The following SYNJ2 variants were observed in gnomAD, a reference collection of about 807,000 sequenced individuals.
SYNJ2 encodes the protein polyphosphatidylinositol phosphatase SYNJ2.
A neutral mutation model predicts 141.3 loss-of-function variants in SYNJ2; 116 were observed. The observed-to-expected ratio is 0.82, with a 90% CI of 0.71 to 0.96. The LOEUF (loss-of-function observed/expected upper bound fraction) is 0.96. Among genes scored for constraint, SYNJ2 ranks in the 40% least tolerant of loss-of-function variants. The probability of loss-of-function intolerance (pLI) is 0.00; values close to 1 mark genes in which losing one functional copy is unlikely to be tolerated. For missense variants in SYNJ2, 1,873 were observed against 1,934.8 expected, an observed-to-expected ratio of 0.97 and a Z score of 0.60; for synonymous variants, 745 against 777.7, an observed-to-expected ratio of 0.96 and a Z score of 0.70.
At chr6:158,011,734 C>A (rs548786025) in intron 1 of SYNJ2, among the ~76,000 whole-genome samples, 1 of 152,164 alleles carries the variant, frequency 6.6e-6, no homozygotes, top group Non-Finnish European at 1.5e-5. Flanking sequence ...TTGGCCACAA[C>A]ACTTTGTTTA....
At chr6:158,028,062 A>C (rs1284293726) in intron 2 of SYNJ2, 1 of 152,638 alleles carries the variant, frequency 6.6e-6, no homozygotes, top group African/African-American at 2.4e-5. Flanking sequence ...GCAAGAGCCC[A>C]GGGTGCGAGG....
intron 25 of SYNJ2, among the ~76,000 whole-genome samples, 153 bp from the exon 26 acceptor site, chr6:158,092,773 A>G (rs1216996493): frequency 6.6e-6 from 1 of 152,190 alleles, no homozygotes; most frequent in African/African-American, 2.4e-5. Context: ...TTAAAAAAGA[A>G]AAAAGAAAAA....
At chr6:158,087,695 C>CACA (rs1444164607) in intron 23 of SYNJ2, among the ~76,000 whole-genome samples, 1 of 152,074 alleles carries the variant, frequency 6.6e-6, no homozygotes, top group Admixed American at 6.6e-5. Flanking sequence ...AATGGCAAGC[C>CACA]ACAAGCCCAG....
At chr6:158,013,153 G>A (rs1270916009) in intron 1 of SYNJ2, among the ~76,000 whole-genome samples, 4 of 152,128 alleles carry the variant, frequency 2.6e-5, no homozygotes, top group African/African-American at 7.2e-5. Context: ...AGGCCGAGAC[G>A]GGCAGATCAC....
chr6:157,985,870 G>T (rs1484478935), intron 1 of SYNJ2, among the ~76,000 whole-genome samples: 2 of 152,218 alleles, frequency 1.3e-5, no homozygotes, highest in East Asian at 3.9e-4. Flanking sequence ...TTAATTAATG[G>T]GTGTCCCTAA....
intron 1 of SYNJ2, among the ~76,000 whole-genome samples, chr6:158,006,139 C>A (rs868330687): frequency 5.3e-5 from 8 of 152,164 alleles, no homozygotes; most frequent in Non-Finnish European, 7.3e-5. Flanking sequence ...AATCTTTTGA[C>A]CCACTTTCCT....
chr6:158,015,470 AAAAGTCCATC>A (rs1269047305), intron 1 of SYNJ2, among the ~76,000 whole-genome samples: 1 of 152,158 alleles, frequency 6.6e-6, no homozygotes, highest in African/African-American at 2.4e-5. Flanking sequence ...GGGTGGGGAG[AAAAGTCCATC>A]TTTATTTGTA....
At chr6:158,036,871 T>TGG (rs959596425) in intron 4 of SYNJ2, among the ~76,000 whole-genome samples, 1 of 152,212 alleles carries the variant, frequency 6.6e-6, no homozygotes, top group Admixed American at 6.5e-5. Flanking sequence ...GATGTCTGCA[T>TGG]GGGGAGAGTC....
chr6:158,074,596 C>T lies in SYNJ2; in HGVS notation c.2150C>T (p.Ser717Phe). 2 of 1,610,398 alleles carry T rather than the reference C, an allele frequency of 1.2e-6. No individual in the cohort carries two copies. The highest frequency in any genetic ancestry group is 1.7e-6 in the Non-Finnish European group (2 of 1,178,922). Residue 717 changes from serine (S) to phenylalanine (F), a missense_variant, in exon 16 of 27, where the codon TCT becomes TTT. Transcript: ENST00000355585. Reference sequence around the variant, plus strand: ...TCAACTTAGGGGAGAAATGTTTTTTCTCATGATTATGTATTTTGGTGTGGC... The same window carrying T: ...TCAACTTAGGGGAGAAATGTTTTTTTTCATGATTATGTATTTTGGTGTGGC... ...LCFPMGRNVF[S>F]HDYVFWCGDF...
chr6:158,062,264 C>T, intron 8 of SYNJ2, 100 bp downstream of exon 8: 1 of 1,541,460 alleles, frequency 6.5e-7, no homozygotes, highest in Non-Finnish European at 8.7e-7. Flanking sequence ...GGTGAGGCGG[C>T]AGAGGGGCCG....
intron 4 of SYNJ2, among the ~76,000 whole-genome samples, chr6:158,034,813 C>T (rs1019193680): frequency 6.6e-6 from 1 of 152,074 alleles, no homozygotes; most frequent in Non-Finnish European, 1.5e-5. Flanking sequence ...TATAGTTTTG[C>T]GTTTTACATT....
rs1448411595 is a variant in SYNJ2, at chr6:158,084,202, C to T, written c.3208+28C>T. The T allele has an allele frequency of 1.2e-6, 2 of 1,605,976 alleles. No individual in the cohort carries two copies. Among genetic ancestry groups the T allele is most frequent in the Non-Finnish European group, 1.7e-6 (2 of 1,175,490 alleles). On this transcript the variant is annotated intron_variant, in intron 22 of 26. Transcript: ENST00000355585. The surrounding 1 kb of genome is among the most constrained non-coding windows in gnomAD (Gnocchi z 5.0). ...AGCCTGACCCTTCTTTTCTCAGGAGCCTCAGCGATGGAGTCAGCTCAGGAC... is the reference window on the plus strand; with the variant it reads ...AGCCTGACCCTTCTTTTCTCAGGAGTCTCAGCGATGGAGTCAGCTCAGGAC...
chr6:158,049,834 G>A (rs995290927), intron 5 of SYNJ2, among the ~76,000 whole-genome samples: 1 of 151,124 alleles, frequency 6.6e-6, no homozygotes, highest in Non-Finnish European at 1.5e-5. Context: ...GTGTCGACAT[G>A]CCTCTGCTGG....
chr6:158,064,159 C>T (rs1460478504), intron 9 of SYNJ2, among the ~76,000 whole-genome samples: 4 of 152,300 alleles, frequency 2.6e-5, no homozygotes, highest in Admixed American at 2.0e-4. Flanking sequence ...TAATGATTAT[C>T]GTGGATGCAC....
At chr6:158,094,600 A>G (rs1156478611) in intron 26 of SYNJ2, among the ~76,000 whole-genome samples, 2 of 152,220 alleles carry the variant, frequency 1.3e-5, no homozygotes, top group African/African-American at 4.8e-5. Flanking sequence ...CCAGGAGCAG[A>G]AATAGATTCA....
At position 158,084,713 on chromosome 6, in the gene SYNJ2, G is replaced by A. The variant is rs1782923669; in HGVS notation, c.3208+539G>A. 6.6e-6 allele frequency among the ~76,000 whole-genome samples: 1 copy of A among 152,094 alleles called. No individual in the cohort carries two copies. The highest frequency in any genetic ancestry group is 6.5e-5 in the Admixed American group (1 of 15,268). On this transcript the variant is annotated intron_variant, in intron 22 of 26. Transcript: ENST00000355585. The surrounding 1 kb of genome is among the most constrained non-coding windows in gnomAD (Gnocchi z 5.0). The stretch of plus-strand genomic sequence containing the variant: ...TGTAATCCCAGCTACTCAGGCAGCT[G>A]AAGCAGGAGAATCGCTTGAGCTGGG...
chr6:158,016,971 G>A (rs1778485500), intron 1 of SYNJ2: 1 of 1,219,172 alleles, frequency 8.2e-7, no homozygotes, highest in African/African-American at 1.6e-5. Context: ...CCAGCCCCCA[G>A]GAAGCTGTCA....
intron 16 of SYNJ2, among the ~76,000 whole-genome samples, chr6:158,075,859 G>T (rs1782251359): frequency 6.6e-6 from 1 of 152,120 alleles, no homozygotes; most frequent in Non-Finnish European, 1.5e-5. Flanking sequence ...ATGCCCAAGA[G>T]AATGAGGGTG....
intron 18 of SYNJ2, among the ~76,000 whole-genome samples, chr6:158,080,826 C>T (rs371627422): frequency 3.3e-5 from 5 of 152,168 alleles, no homozygotes; most frequent in Admixed American, 1.3e-4. Context: ...TTTATTTTCC[C>T]CCTCAAATCA....
Sources: gnomAD v4.1 joint callset for allele counts (sites outside exome capture counted in the v4.1 genomes callset) on GRCh38, gnomAD v4.1.1 for gene constraint, Gnocchi (gnomAD v3.1) non-coding constraint, MANE v1.5 for transcripts, NCBI Gene and HGNC (gene_info 2026-07-23, HGNC 2026-07-21) for gene names.